PKHD1L1: variants seen among roughly 807,000 people sequenced by gnomAD.
The protein encoded by PKHD1L1 is PKHD1 like 1.
In PKHD1L1, 434 loss-of-function variants were observed where a neutral mutation model predicts 462.9. The observed-to-expected ratio is 0.94, with a 90% CI of 0.87 to 1.02. PKHD1L1 has a LOEUF of 1.02. PKHD1L1 is among the 50% of genes least tolerant of loss of function. PKHD1L1 has a pLI of 0.00. For missense variants in PKHD1L1, 5,202 were observed against 5,096.1 expected, an observed-to-expected ratio of 1.02 and a Z score of -0.63; for synonymous variants, 1,781 against 1,750.0, an observed-to-expected ratio of 1.02 and a Z score of -0.44.
intron 57 of PKHD1L1, among the ~76,000 whole-genome samples, chr8:109,483,984 G>T (rs766935109): frequency 5.9e-5 from 9 of 151,720 alleles, no homozygotes; most frequent in Non-Finnish European, 1.0e-4. Flanking sequence ...TTAGAGAAAT[G>T]GATGGATTTC....
In PKHD1L1 at chr8:109,459,613, T is replaced by C. The variant is rs749844230; in HGVS notation, c.7023T>C (p.Asn2341=). The change falls in exon 47 of 78, where the codon AAT becomes AAC. Residue 2341 remains asparagine, a synonymous_variant. Coordinates refer to ENST00000378402, the MANE Select transcript of PKHD1L1 (RefSeq NM_177531.6). The stretch of plus-strand genomic sequence containing the variant: ...TTTACAGACACAGTCAAGGAGAGAA[T>C]GAAAAAATGACCATTGCATCTGTGT... ...STGHRHSQGE[N]EKMTIASVSA... is the part of the protein sequence containing the mutation. 6 of 1,566,030 alleles carry C rather than the reference T, an allele frequency of 3.8e-6. No individual in the cohort carries two copies. Among genetic ancestry groups the C allele is most frequent in the Non-Finnish European group, 5.2e-6 (6 of 1,154,590 alleles).
chr8:109,388,381 T>C lies in PKHD1L1; in HGVS notation c.570-116T>C, dbSNP rs1812540073. The stretch of plus-strand genomic sequence containing the variant: ...TGTTGAATGCATGAGTGAGGGATAA[T>C]AATAAGTGATTGAGAAAAAAAATTT... On this transcript the variant is annotated intron_variant, in intron 6 of 77. Coordinates refer to ENST00000378402, the MANE Select transcript of PKHD1L1 (RefSeq NM_177531.6). 1.2e-5 allele frequency: 9 copies of C among 722,892 alleles called. No homozygotes were observed. In the Admixed American group the frequency reaches 2.0e-4, roughly 16 times the overall value. 44.8% of individuals were successfully genotyped at this position (722,892 alleles called of 1,614,324 possible). A position where few individuals can be genotyped will look rare whatever the true frequency, so the allele number is the denominator to read the frequency against.
chr8:109,441,352 A>C lies in PKHD1L1; in HGVS notation c.4177A>C (p.Arg1393=). The C allele has an allele frequency of 6.4e-7, 1 of 1,573,772 alleles. No homozygotes were observed. The highest frequency in any genetic ancestry group is 8.7e-7 in the Non-Finnish European group (1 of 1,152,178). Residue 1393 remains arginine, a synonymous_variant, in exon 34 of 78, where the codon AGG becomes CGG. Transcript: ENST00000378402. ...CILHSTGNIF[R]ITNNGKDSVH... is the part of the protein sequence containing the mutation. ...TCTTCATTCAACTGGGAATATATTC[A>C]GGATTACCAACAATGGGAAAGATTC...
At chr8:109,512,441 A>G (rs1026852540) in intron 71 of PKHD1L1, among the ~76,000 whole-genome samples, 50 of 152,106 alleles carry the variant, frequency 3.3e-4, no homozygotes, top group African/African-American at 1.2e-3. Context: ...AGCACCATTT[A>G]TTAAATAGGG....
chr8:109,414,982 T>G (rs1452614865), intron 21 of PKHD1L1, among the ~76,000 whole-genome samples: 1 of 141,666 alleles, frequency 7.1e-6, no homozygotes, highest in African/African-American at 2.8e-5. Flanking sequence ...TTATTATTAT[T>G]ATTATTATTA....
intron 16 of PKHD1L1, among the ~76,000 whole-genome samples, chr8:109,405,762 A>G (rs576087543): frequency 6.6e-6 from 1 of 152,128 alleles, no homozygotes. Context: ...TACCTAGGTG[A>G]TGATGGGTTG....
chr8:109,485,606 G>A (rs915738440), intron 58 of PKHD1L1, among the ~76,000 whole-genome samples: 2 of 151,978 alleles, frequency 1.3e-5, no homozygotes, highest in African/African-American at 2.4e-5. Flanking sequence ...GAATAAGCAT[G>A]ATCTGAAGAT....
At chr8:109,425,835 T>C (rs995289095) in intron 24 of PKHD1L1, among the ~76,000 whole-genome samples, 8 of 152,136 alleles carry the variant, frequency 5.3e-5, no homozygotes, top group Non-Finnish European at 7.4e-5. Flanking sequence ...AAAATGTGAC[T>C]AGTGCCACAT....
At chr8:109,526,755 T>G (rs376860011) in intron 76 of PKHD1L1, 29 bp from the exon 77 acceptor site, 3 of 1,515,850 alleles carry the variant, frequency 2.0e-6, no homozygotes, top group Non-Finnish European at 1.8e-6. Context: ...ATAAAGGAAA[T>G]CAAACACTAT....
intron 65 of PKHD1L1, among the ~76,000 whole-genome samples, chr8:109,497,579 A>G (rs1176183972): frequency 6.6e-6 from 1 of 151,666 alleles, no homozygotes; most frequent in Admixed American, 6.6e-5. Context: ...GGTGCCCGCC[A>G]CCACGCCTGG....
intron 2 of PKHD1L1, among the ~76,000 whole-genome samples, chr8:109,367,628 A>G (rs1811297354): frequency 6.6e-6 from 1 of 152,250 alleles, no homozygotes; most frequent in Non-Finnish European, 1.5e-5. Flanking sequence ...CGTGCCTGTA[A>G]TCCCAGTGCT....
intron 50 of PKHD1L1, among the ~76,000 whole-genome samples, chr8:109,472,526 G>A (rs1359026300): frequency 6.6e-6 from 1 of 151,990 alleles, no homozygotes; most frequent in Non-Finnish European, 1.5e-5. Context: ...TTTTTATTGA[G>A]TTACTAAACT....
At chr8:109,480,453 G>C (rs999344040) in intron 55 of PKHD1L1, 5 of 422,436 alleles carry the variant, frequency 1.2e-5, no homozygotes, top group Non-Finnish European at 2.3e-5. Context: ...AGAGTCCTAG[G>C]AGTTCTGAAA....
intron 5 of PKHD1L1, 70 bp from the exon 6 acceptor site, chr8:109,385,467 T>C (rs551577138): frequency 8.3e-5 from 81 of 970,662 alleles, no homozygotes; most frequent in South Asian, 1.5e-4. Flanking sequence ...AAATCTCTTA[T>C]GTTTTCGTAT....
At chr8:109,451,807 G>GA (rs1171917336) in intron 41 of PKHD1L1, among the ~76,000 whole-genome samples, 1 of 152,140 alleles carries the variant, frequency 6.6e-6, no homozygotes, top group East Asian at 1.9e-4. Flanking sequence ...AGTGATCCTT[G>GA]AAAATCTCTT....
intron 69 of PKHD1L1, 97 bp from the exon 70 acceptor site, chr8:109,508,000 A>C (rs1819781971): frequency 7.4e-6 from 11 of 1,491,570 alleles, no homozygotes; most frequent in Non-Finnish European, 1.0e-5. Context: ...TTTATTTTCT[A>C]CTTCTTAAAC....
At chr8:109,504,585 A>G in intron 68 of PKHD1L1, 93 bp downstream of exon 68, 2 of 701,130 alleles carry the variant, frequency 2.9e-6, no homozygotes, top group South Asian at 2.9e-5. Flanking sequence ...GCATATTAAA[A>G]TAACTGCCAG....
At chr8:109,498,891 C>T in intron 67 of PKHD1L1, 120 bp downstream of exon 67, 1 of 859,960 alleles carries the variant, frequency 1.2e-6, no homozygotes, top group Admixed American at 2.9e-5. Flanking sequence ...TAGCAATCTG[C>T]TCAATATGAC....
In PKHD1L1 at chr8:109,514,714, A is replaced by G. The variant is rs571041767; in HGVS notation, c.11554-456A>G. ...AAACATGAAAAATGAATAAAATTGA[A>G]TCAGAGAGGATAGTTATTTTGACAT... On this transcript the variant is annotated intron_variant, in intron 71 of 77. Transcript: ENST00000378402. Among the ~76,000 whole-genome samples the G allele has an allele frequency of 2.0e-5, 3 of 152,272 alleles. No homozygotes were observed. The South Asian group carries it at 6.2e-4, about 32-fold the overall frequency.
Sources: gnomAD v4.1 joint callset for allele counts (sites outside exome capture counted in the v4.1 genomes callset) on GRCh38, gnomAD v4.1.1 for gene constraint, MANE v1.5 for transcripts, NCBI Gene and HGNC (gene_info 2026-07-23, HGNC 2026-07-21) for gene names.